Variants in GBF1 observed in about 807,000 individuals in gnomAD.
The protein encoded by GBF1 is golgi brefeldin A resistant guanine nucleotide exchange factor 1.
Under a neutral mutation model 210.5 loss-of-function variants are expected in GBF1, and 114 were observed. The ratio of observed to expected loss-of-function variants is 0.54; its 90% CI spans 0.47 to 0.63. The LOEUF is 0.63. Among genes scored for constraint, GBF1 ranks in the 30% least tolerant of loss-of-function variants. The pLI, the probability that GBF1 is intolerant of heterozygous loss-of-function variation, is 0.00. For synonymous variants in GBF1, 850 were observed against 889.2 expected (o/e 0.96, Z 0.78); for missense variants, 1,851 against 2,357.7 (o/e 0.79, Z 4.45).
the GBF1 span, chr10:102,231,529 G>A: frequency 2.6e-6 from 3 of 1,176,016 alleles, no homozygotes; most frequent in Non-Finnish European, 2.4e-6. Context: ...TGGCCTCCGG[G>A]TCGCAGGCTG....
upstream of GBF1, among the ~76,000 whole-genome samples, chr10:102,242,378 T>C (rs886381738): frequency 6.6e-6 from 1 of 152,234 alleles, no homozygotes; most frequent in Non-Finnish European, 1.5e-5. Context: ...CCTTTCAGTC[T>C]GTACCCTTGT....
intron 11 of GBF1, 104 bp downstream of exon 11, chr10:102,359,539 GCTCCAAGTTCTAGGCTATTTT>G: frequency 1.3e-6 from 1 of 793,406 alleles, no homozygotes; most frequent in Non-Finnish European, 2.1e-6. Context: ...ACTGCCTGTT[GCTCCAAGTTCTAGGCTATTTT>G]CTAGTCAGGA....
chr10:102,346,836 A>G (rs2134662569), intron 4 of GBF1, among the ~76,000 whole-genome samples: 1 of 152,284 alleles, frequency 6.6e-6, no homozygotes, highest in East Asian at 1.9e-4. Flanking sequence ...TGGAGGCTGA[A>G]CATTTGAATT....
chr10:102,381,823 G>GA (rs386372282), intron 39 of GBF1, among the ~76,000 whole-genome samples: 5,648 of 18,898 alleles, frequency 0.3, 1,583 homozygotes, highest in Non-Finnish European at 0.39. Flanking sequence ...ACCCTGTCGC[G>GA]AAAAAAAAAA....
intron 1 of GBF1, among the ~76,000 whole-genome samples, chr10:102,247,254 C>T (rs1406551581): frequency 6.6e-6 from 1 of 152,140 alleles, no homozygotes; most frequent in African/African-American, 2.4e-5. Context: ...CTTTTCCCTT[C>T]CTACCTTCGT....
chr10:102,312,176 A>G (rs995865099), intron 3 of GBF1, among the ~76,000 whole-genome samples: 2 of 151,950 alleles, frequency 1.3e-5, no homozygotes, highest in Non-Finnish European at 2.9e-5. Context: ...CTGTAATCCC[A>G]TCTATTCAAT....
At chr10:102,346,215 T>G (rs2058561309) in intron 4 of GBF1, among the ~76,000 whole-genome samples, 1 of 152,302 alleles carries the variant, frequency 6.6e-6, no homozygotes, top group African/African-American at 2.4e-5. Context: ...ACTCCTGACC[T>G]TGTGATCCAC....
At chr10:102,241,197 G>A (rs2070526680), upstream of GBF1, 1 of 152,722 alleles carries the variant, frequency 6.5e-6, no homozygotes, top group Non-Finnish European at 1.5e-5. This position sits in a 1 kb window ranked among gnomAD's most constrained non-coding sequence, Gnocchi z 6.7. Context: ...CAGGTCTGCA[G>A]TCCGCCCTCC....
chr10:102,252,899 TA>T (rs2071765091), intron 1 of GBF1, among the ~76,000 whole-genome samples: 2 of 152,112 alleles, frequency 1.3e-5, no homozygotes, highest in African/African-American at 2.4e-5. Flanking sequence ...TTTATTTTAT[TA>T]TTATTATTTT....
At chr10:102,318,429 G>A (rs1009459522) in intron 3 of GBF1, among the ~76,000 whole-genome samples, 1 of 149,382 alleles carries the variant, frequency 6.7e-6, no homozygotes, top group African/African-American at 2.5e-5. Flanking sequence ...GGGCTCAAGC[G>A]ATCCACCTAC....
chr10:102,360,713 C>T (rs1286169801), intron 12 of GBF1, among the ~76,000 whole-genome samples: 1 of 152,206 alleles, frequency 6.6e-6, no homozygotes, highest in East Asian at 1.9e-4. Context: ...TGCAGTGGCT[C>T]ACGCCTGTAA....
chr10:102,313,096 A>G (rs1178459263), intron 3 of GBF1, among the ~76,000 whole-genome samples: 1 of 152,168 alleles, frequency 6.6e-6, no homozygotes, highest in Non-Finnish European at 1.5e-5. Context: ...GGAACTCCAG[A>G]GGCCTAATCC....
chr10:102,272,255 C>T (rs1446608047), intron 3 of GBF1, among the ~76,000 whole-genome samples: 4 of 152,164 alleles, frequency 2.6e-5, no homozygotes, highest in Admixed American at 2.0e-4. Context: ...CAGGCACCCA[C>T]CACCGCACAT....
At chr10:102,297,680 G>T (rs2077018614) in intron 3 of GBF1, among the ~76,000 whole-genome samples, 1 of 152,150 alleles carries the variant, frequency 6.6e-6, no homozygotes, top group African/African-American at 2.4e-5. Flanking sequence ...GGAAAGAAAT[G>T]ATCTTATTGA....
intron 38 of GBF1, 129 bp from the exon 39 acceptor site, chr10:102,380,998 A>G (rs2060810310): frequency 1.1e-6 from 1 of 890,190 alleles, no homozygotes; most frequent in South Asian, 1.7e-5. Context: ...CCATCTCAAA[A>G]AAAAAAAGTC....
intron 3 of GBF1, among the ~76,000 whole-genome samples, chr10:102,319,041 G>A (rs2056127148): frequency 6.6e-6 from 1 of 152,230 alleles, no homozygotes; most frequent in Non-Finnish European, 1.5e-5. Flanking sequence ...GGGTAGGCTG[G>A]GCGCAGTGGC....
At chr10:102,368,481 A>C (rs1589802579) in intron 22 of GBF1, 27 bp downstream of exon 22, 2 of 1,202,194 alleles carry the variant, frequency 1.7e-6, no homozygotes, top group Non-Finnish European at 2.5e-6. Flanking sequence ...CTTGGTCTTC[A>C]CCTCCCACTA....
At chr10:102,344,021 A>G in intron 3 of GBF1, 30 bp from the exon 4 acceptor site, 1 of 1,599,534 alleles carries the variant, frequency 6.3e-7, no homozygotes, top group Non-Finnish European at 8.6e-7. Context: ...CTTAGATGAT[A>G]CCTCTTCATT....
At chr10:102,306,054 A>ATG (rs1041629947) in intron 3 of GBF1, among the ~76,000 whole-genome samples, 3 of 151,932 alleles carry the variant, frequency 2.0e-5, no homozygotes, top group African/African-American at 7.2e-5. Flanking sequence ...TACTATATAT[A>ATG]TATACAATTA....
Sources: allele counts gnomAD v4.1 joint callset (sites outside exome capture counted in the v4.1 genomes callset), GRCh38; gene constraint gnomAD v4.1.1; non-coding constraint Gnocchi (gnomAD v3.1); transcripts MANE v1.5; gene names NCBI Gene and HGNC (gene_info 2026-07-23, HGNC 2026-07-21).